Variants in SLC1A2 observed in about 807,000 individuals in gnomAD.
SLC1A2 encodes the protein excitatory amino acid transporter 2.
Under a neutral mutation model 48.8 loss-of-function variants are expected in SLC1A2, and 15 were observed. The ratio of observed to expected loss-of-function variants is 0.31; its 90% CI spans 0.21 to 0.47. SLC1A2 has a LOEUF of 0.47. Ranked by LOEUF, SLC1A2 falls within the 20% of genes least tolerant of loss-of-function variation. SLC1A2 has a pLI of 0.99. For synonymous variants in SLC1A2, 279 were observed against 272.6 expected, an observed-to-expected ratio of 1.02 and a Z score of -0.23; for missense variants, 502 against 730.5, an observed-to-expected ratio of 0.69 and a Z score of 3.61.
At chr11:35,306,593 A>C (rs1458199583) in intron 4 of SLC1A2, among the ~76,000 whole-genome samples, 1 of 152,238 alleles carries the variant, frequency 6.6e-6, no homozygotes, top group Non-Finnish European at 1.5e-5. Context: ...TTTTAAGTAC[A>C]GTCATCCAAC....
intron 4 of SLC1A2, among the ~76,000 whole-genome samples, chr11:35,307,474 G>A (rs1851547906): frequency 1.3e-5 from 2 of 152,156 alleles, no homozygotes; most frequent in African/African-American, 4.8e-5. Flanking sequence ...CACCCTACAT[G>A]CAGAGTGCTA....
chr11:35,377,313 C>T (rs1005465862), intron 1 of SLC1A2, among the ~76,000 whole-genome samples: 1 of 152,268 alleles, frequency 6.6e-6, no homozygotes, highest in South Asian at 2.1e-4. Flanking sequence ...CCTTTTCAAA[C>T]TTTCTTGTTT....
In SLC1A2 at chr11:35,251,477, C is replaced by G. The variant is rs986130060; in HGVS notation, c.*9417G>C. ...TTCAAAAATTAGTTGAAGATTTTATCTTTTTGCATTCATTAGTCTTTAAAC... is the reference window on the plus strand; with the variant it reads ...TTCAAAAATTAGTTGAAGATTTTATGTTTTTGCATTCATTAGTCTTTAAAC... On this transcript the variant is annotated 3_prime_UTR_variant, in exon 11 of 11. Coordinates refer to ENST00000278379, the MANE Select transcript of SLC1A2 (RefSeq NM_004171.4). 1 of 152,542 alleles carries G rather than the reference C, an allele frequency of 6.6e-6. No individual in the cohort carries two copies. Among genetic ancestry groups the G allele is most frequent in the East Asian group, 1.9e-4 (1 of 5,202 alleles). 9.4% of individuals were successfully genotyped at this position (152,542 alleles called of 1,614,324 possible).
chr11:35,400,687 G>A (rs927736746), intron 1 of SLC1A2, among the ~76,000 whole-genome samples: 13 of 152,108 alleles, frequency 8.5e-5, no homozygotes, highest in African/African-American at 2.2e-4. Context: ...AATTTCTAGA[G>A]GGATAACTTT....
chr11:35,417,680 G>A (rs147689051), intron 1 of SLC1A2, among the ~76,000 whole-genome samples: 1 of 152,266 alleles, frequency 6.6e-6, no homozygotes, highest in Non-Finnish European at 1.5e-5. Flanking sequence ...TAGGGCAAAG[G>A]GAGAGACAAA....
intron 9 of SLC1A2, among the ~76,000 whole-genome samples, chr11:35,273,376 C>T (rs1467706770): frequency 6.6e-6 from 1 of 152,168 alleles, no homozygotes; most frequent in African/African-American, 2.4e-5. Flanking sequence ...GATGACACTC[C>T]CAGCTCAAGC....
rs1334611338 is a variant in SLC1A2, at chr11:35,253,348, A to G, written c.*7546T>C. ...TTGCTTGGCAAGAATTAACTGCAAC[A>G]AATCTGTCCTGATTTCATCTCTAGC... On this transcript the variant is annotated 3_prime_UTR_variant, in exon 11 of 11. Coordinates refer to ENST00000278379, the MANE Select transcript of SLC1A2 (RefSeq NM_004171.4). The G allele has an allele frequency of 6.6e-6, 1 of 152,626 alleles. No homozygotes were observed. The highest frequency in any genetic ancestry group is 1.5e-5 in the Non-Finnish European group (1 of 68,050). 9.5% of individuals were successfully genotyped at this position (152,626 alleles called of 1,614,324 possible). A position where few individuals can be genotyped will look rare whatever the true frequency, so the allele number is the denominator to read the frequency against.
intron 1 of SLC1A2, among the ~76,000 whole-genome samples, chr11:35,389,453 C>T (rs1443767862): frequency 8.6e-6 from 1 of 116,784 alleles, no homozygotes; most frequent in African/African-American, 2.8e-5. Flanking sequence ...TCTCCTTCTC[C>T]TTCTTCTTCT....
In SLC1A2 at chr11:35,288,005, G is replaced by T. The variant is rs115462941; in HGVS notation, c.1092-1054C>A. ...TTTCTCTCTTGCACTTACAGCTTTTGTCAAAGTTTCCTCCTTCTACTGGTC... is the reference window on the plus strand; with the variant it reads ...TTTCTCTCTTGCACTTACAGCTTTTTTCAAAGTTTCCTCCTTCTACTGGTC... On this transcript the variant is annotated intron_variant, in intron 7 of 10. Transcript: ENST00000278379. Among the ~76,000 whole-genome samples, 1,135 of 152,212 alleles carry T rather than the reference G, an allele frequency of 7.5e-3. 15 individuals are homozygous for T. The highest frequency in any genetic ancestry group is 0.025 in the African/African-American group (1,046 of 41,514).
rs67984867 is a variant in SLC1A2, at chr11:35,387,817, C to CAA, written c.17+31131_17+31132dup. 5.4e-5 allele frequency among the ~76,000 whole-genome samples: 8 copies of CAA among 149,432 alleles called. No homozygotes were observed. In the South Asian group the frequency reaches 1.1e-3, roughly 20 times the overall value. On this transcript the variant is annotated intron_variant, in intron 1 of 10. Coordinates refer to ENST00000278379, the MANE Select transcript of SLC1A2 (RefSeq NM_004171.4). ...CCTTTCTGGAAGGAGGAGGAAGTGA[C>CAA]AAAAAAAAACAAAAACAAACAAAAT...
chr11:35,372,209 G>A (rs965234942), intron 1 of SLC1A2, among the ~76,000 whole-genome samples: 5 of 152,234 alleles, frequency 3.3e-5, no homozygotes, highest in Admixed American at 3.3e-4. Context: ...GGCCTCTCTT[G>A]TCTCTTAGGA....
chr11:35,368,491 T>C (rs555249407), intron 1 of SLC1A2, among the ~76,000 whole-genome samples: 1 of 152,236 alleles, frequency 6.6e-6, no homozygotes, highest in Non-Finnish European at 1.5e-5. Flanking sequence ...TTATTGATTA[T>C]CATCAAATCT....
At chr11:35,286,594 C>T (rs1850827998) in intron 8 of SLC1A2, 163 bp downstream of exon 8, 2 of 511,000 alleles carry the variant, frequency 3.9e-6, no homozygotes, top group Admixed American at 3.7e-5. Context: ...TCTTTCTTGT[C>T]ACAATCTTTT....
At chr11:35,348,033 G>T (rs1490691006) in intron 1 of SLC1A2, among the ~76,000 whole-genome samples, 2 of 152,232 alleles carry the variant, frequency 1.3e-5, no homozygotes, top group Non-Finnish European at 2.9e-5. Context: ...CATGTGACAA[G>T]TCTGGGCGGC....
intron 5 of SLC1A2, 72 bp from the exon 6 acceptor site, chr11:35,301,717 A>G: frequency 7.0e-7 from 1 of 1,437,102 alleles, no homozygotes; most frequent in Non-Finnish European, 9.6e-7. Flanking sequence ...ATTCTTTACC[A>G]TTCCCAATGT....
At chr11:35,366,877 A>G (rs1194888637) in intron 1 of SLC1A2, among the ~76,000 whole-genome samples, 1 of 152,194 alleles carries the variant, frequency 6.6e-6, no homozygotes, top group African/African-American at 2.4e-5. Flanking sequence ...CAGTAAATGC[A>G]TGCAGTTGCC....
At position 35,412,235 on chromosome 11, in the gene SLC1A2, T is replaced by C. The variant is rs150749184; in HGVS notation, c.17+6715A>G. ...CAGTTTTTTCATCTCTAAAATGAGA[T>C]AATATTCCCTAGGGGATTTTCAAGG... On this transcript the variant is annotated intron_variant, in intron 1 of 10. Transcript: ENST00000278379. 2.2e-3 allele frequency among the ~76,000 whole-genome samples: 328 copies of C among 152,256 alleles called. 16 individuals carry two copies. The East Asian group carries it at 0.056, about 26-fold the overall frequency.
At chr11:35,398,270 T>A (rs540680531) in intron 1 of SLC1A2, among the ~76,000 whole-genome samples, 55 of 152,270 alleles carry the variant, frequency 3.6e-4, no homozygotes, top group African/African-American at 1.3e-3. Flanking sequence ...TAGATGCCCA[T>A]CAATGGTGAA....
At chr11:35,419,977 G>C (rs1250589582), upstream of SLC1A2, 1 of 468,466 alleles carries the variant, frequency 2.1e-6, no homozygotes, top group Admixed American at 2.4e-5. The surrounding 1 kb of genome is among the most constrained non-coding windows in gnomAD (Gnocchi z 5.4). Flanking sequence ...CAGCGGAGTC[G>C]AGCGGCTGAA....
Sources: gnomAD v4.1 joint callset for allele counts (sites outside exome capture counted in the v4.1 genomes callset) on GRCh38, gnomAD v4.1.1 for gene constraint, Gnocchi (gnomAD v3.1) non-coding constraint, MANE v1.5 for transcripts, NCBI Gene and HGNC (gene_info 2026-07-23, HGNC 2026-07-21) for gene names.